Variants in VASP observed in about 807,000 individuals in gnomAD.
The protein encoded by VASP is vasodilator-stimulated phosphoprotein.
Under a neutral mutation model 54.4 loss-of-function variants are expected in VASP, and 27 were observed. That is an observed-to-expected ratio of 0.50 (90% CI 0.37 to 0.68). VASP has a LOEUF of 0.68. Ranked by LOEUF, VASP falls within the 30% of genes least tolerant of loss-of-function variation. The probability of loss-of-function intolerance (pLI) is 0.00; values close to 1 mark genes in which losing one functional copy is unlikely to be tolerated. For missense variants in VASP, 488 were observed against 528.3 expected (o/e 0.92, Z 0.75); for synonymous variants, 233 against 209.8 (o/e 1.11, Z -0.96).
intron 1 of VASP, 122 bp from the exon 2 acceptor site, chr19:45,517,541 G>T: frequency 7.8e-7 from 1 of 1,275,742 alleles, no homozygotes; most frequent in Non-Finnish European, 1.1e-6. Context: ...TGTCCACGTG[G>T]CTCCTGCCTC....
intron 7 of VASP, 117 bp downstream of exon 7, chr19:45,522,935 T>C: frequency 9.1e-7 from 1 of 1,098,752 alleles, no homozygotes; most frequent in Non-Finnish European, 1.3e-6. Context: ...CCCCCTTTGA[T>C]AACCAGGTTT....
At chr19:45,525,788 G>C in intron 11 of VASP, 158 bp from the exon 12 acceptor site, 2 of 655,206 alleles carry the variant, frequency 3.1e-6, no homozygotes, top group Non-Finnish European at 2.6e-6. Flanking sequence ...AGGATTACCT[G>C]AGCCTGGGAA....
At position 45,526,469 on chromosome 19, in the gene VASP, G is replaced by T. The variant is rs1335052376; in HGVS notation, c.*292G>T. 4 of 338,852 alleles carry T rather than the reference G, an allele frequency of 1.2e-5. No individual in the cohort carries two copies. Among genetic ancestry groups the T allele is most frequent in the Non-Finnish European group, 2.1e-5 (4 of 187,450 alleles). 21.0% of individuals were successfully genotyped at this position (338,852 alleles called of 1,614,324 possible). ...GATGCACCAATGAACCCCACAGGAA[G>T]GGGGAAGGAAGGAGGGAATTTCACA... is the stretch of plus-strand genomic sequence containing the variant. On this transcript the variant is annotated 3_prime_UTR_variant, in exon 13 of 13. Transcript: ENST00000245932.
In VASP at chr19:45,526,185, G is replaced by C; in HGVS notation, c.*8G>C. 6.2e-7 allele frequency: 1 copy of C among 1,602,412 alleles called. No individual in the cohort carries two copies. Among genetic ancestry groups the C allele is most frequent in the South Asian group, 1.1e-5 (1 of 89,174 alleles). Reference sequence around the variant, plus strand: ...AAGCGGGGTTCTCCCTGACCACAGGGACCCAGAAGACCCGCTTCTCCTTTC... The same window carrying C: ...AAGCGGGGTTCTCCCTGACCACAGGCACCCAGAAGACCCGCTTCTCCTTTC... On this transcript the variant is annotated 3_prime_UTR_variant, in exon 13 of 13. Transcript: ENST00000245932.
At chr19:45,514,862 G>C (rs758694301) in intron 1 of VASP, among the ~76,000 whole-genome samples, 6 of 152,210 alleles carry the variant, frequency 3.9e-5, no homozygotes, top group Non-Finnish European at 5.9e-5. Context: ...ACAGTTCCCG[G>C]TGGTTAAGGC....
chr19:45,509,823 CAAG>C (rs1168451556), intron 1 of VASP, among the ~76,000 whole-genome samples: 1 of 152,226 alleles, frequency 6.6e-6, no homozygotes, highest in East Asian at 1.9e-4. Context: ...AAGACATGGC[CAAG>C]ATCCCTCAGA....
chr19:45,517,571 C>T, intron 1 of VASP, 92 bp from the exon 2 acceptor site: 2 of 1,507,824 alleles, frequency 1.3e-6, no homozygotes, highest in Non-Finnish European at 1.8e-6. Flanking sequence ...CACTCTCTTC[C>T]TTCCACACAC....
intron 11 of VASP, among the ~76,000 whole-genome samples, chr19:45,525,374 G>A (rs1599943360): frequency 6.6e-6 from 1 of 152,148 alleles, no homozygotes; most frequent in Non-Finnish European, 1.5e-5. Context: ...GACCAGCCTG[G>A]CCAACATGGT....
intron 11 of VASP, among the ~76,000 whole-genome samples, chr19:45,525,233 A>G (rs1449805628): frequency 2.0e-5 from 3 of 152,018 alleles, no homozygotes; most frequent in Non-Finnish European, 4.4e-5. Flanking sequence ...CTGGGGCAAC[A>G]TCGGGAGACC....
chr19:45,513,857 C>T lies in VASP; in HGVS notation c.6-3806C>T, dbSNP rs1968649589. Among the ~76,000 whole-genome samples the T allele has an allele frequency of 3.3e-5, 5 of 152,314 alleles. No homozygotes were observed. The South Asian group carries it at 1.0e-3, about 32-fold the overall frequency. ...GGGATTACAGGCGTGAGCCACCTCCCCTGGCCAAAGTTTGCCTTTTTTTAC... is the reference window on the plus strand; with the variant it reads ...GGGATTACAGGCGTGAGCCACCTCCTCTGGCCAAAGTTTGCCTTTTTTTAC... On this transcript the variant is annotated intron_variant, in intron 1 of 12. Coordinates refer to ENST00000245932, the MANE Select transcript of VASP (RefSeq NM_003370.4).
intron 1 of VASP, among the ~76,000 whole-genome samples, chr19:45,510,437 G>A (rs891645233): frequency 7.2e-5 from 11 of 152,024 alleles, no homozygotes; most frequent in African/African-American, 2.7e-4. Context: ...TGATGGCCAG[G>A]CTGGTCTCGA....
chr19:45,518,713 G>T (rs1344278062), intron 3 of VASP, among the ~76,000 whole-genome samples: 1 of 152,216 alleles, frequency 6.6e-6, no homozygotes, highest in Non-Finnish European at 1.5e-5. Context: ...TGCCCAGGCT[G>T]GTGTGCACTG....
In VASP at chr19:45,526,198, C is replaced by T. The variant is rs1968964856; in HGVS notation, c.*21C>T. 5 of 1,596,480 alleles carry T rather than the reference C, an allele frequency of 3.1e-6. No homozygotes were observed. Among genetic ancestry groups the T allele is most frequent in the South Asian group, 2.3e-5 (2 of 88,154 alleles). ...CCTGACCACAGGGACCCAGAAGACCCGCTTCTCCTTTCCGCACACCCGGCC... is the reference window on the plus strand; with the variant it reads ...CCTGACCACAGGGACCCAGAAGACCTGCTTCTCCTTTCCGCACACCCGGCC... On this transcript the variant is annotated 3_prime_UTR_variant, in exon 13 of 13. Coordinates refer to ENST00000245932, the MANE Select transcript of VASP (RefSeq NM_003370.4).
At chr19:45,524,470 T>C (rs1312503004) in intron 10 of VASP, 100 bp from the exon 11 acceptor site, 1 of 1,238,936 alleles carries the variant, frequency 8.1e-7, no homozygotes, top group Non-Finnish European at 1.2e-6. Context: ...ACTTGCCCAA[T>C]TTATAAGGCA....
intron 1 of VASP, among the ~76,000 whole-genome samples, chr19:45,509,555 C>A (rs74552571): frequency 6.6e-6 from 1 of 152,134 alleles, no homozygotes; most frequent in Non-Finnish European, 1.5e-5. Flanking sequence ...GCCCTGGAAG[C>A]CCTGGCCCTC....
Position 45,517,517 on chromosome 19 carries a change from C to G in VASP, c.6-146C>G, listed in dbSNP as rs185458950. ...TCTGATTTTCTCTCCTGATCTGTCT[C>G]CCCCGTCTCCTTCTGTCCACGTGGC... is the stretch of plus-strand genomic sequence containing the variant. On this transcript the variant is annotated intron_variant, in intron 1 of 12. Transcript: ENST00000245932. The G allele has an allele frequency of 1.4e-4, 132 of 933,306 alleles. 1 individual carries two copies. The African/African-American group carries it at 1.7e-3, about 12-fold the overall frequency. The allele number at this position is 933,306 out of a possible 1,614,324, so 57.8% of individuals were successfully genotyped here.
chr19:45,526,204 TC>T lies in VASP; in HGVS notation c.*29del, dbSNP rs914691838. Reference sequence around the variant, plus strand: ...CACAGGGACCCAGAAGACCCGCTTCTCCTTTCCGCACACCCGGCCTGTCACC... The same window carrying T: ...CACAGGGACCCAGAAGACCCGCTTCTCTTTCCGCACACCCGGCCTGTCACC... On this transcript the variant is annotated 3_prime_UTR_variant, in exon 13 of 13. Transcript: ENST00000245932. 1.3e-6 allele frequency: 2 copies of T among 1,593,872 alleles called. No individual in the cohort carries two copies. The highest frequency in any genetic ancestry group is 1.4e-5 in the African/African-American group (1 of 73,622).
chr19:45,526,139 G>T lies in VASP; in HGVS notation c.1106-1G>T. 6.2e-7 allele frequency: 1 copy of T among 1,613,870 alleles called. No homozygotes were observed. The highest frequency in any genetic ancestry group is 8.5e-7 in the Non-Finnish European group (1 of 1,179,974). ...GACCTCTGCTCCTTGTTTCCTTCCA[G>T]CCTTCGTCCAGGAGCTGAGGAAGCG... On this transcript the variant is annotated splice_acceptor_variant, in intron 12 of 12. Transcript: ENST00000245932. LOFTEE classifies it high-confidence loss of function.
chr19:45,508,575 C>T (rs1359071876), intron 1 of VASP, among the ~76,000 whole-genome samples: 5 of 152,018 alleles, frequency 3.3e-5, no homozygotes, highest in Non-Finnish European at 5.9e-5. Context: ...GGGAAGGGGG[C>T]CTTTGTCTTC....
Sources: allele counts gnomAD v4.1 joint callset (sites outside exome capture counted in the v4.1 genomes callset), GRCh38; gene constraint gnomAD v4.1.1; transcripts MANE v1.5; gene names NCBI Gene and HGNC (gene_info 2026-07-23, HGNC 2026-07-21).